SEMA3D: variants seen among roughly 807,000 people sequenced by gnomAD.
SEMA3D encodes semaphorin 3D, also known as semaphorin-3D.
A neutral mutation model predicts 100.1 loss-of-function variants in SEMA3D; 84 were observed. That is an observed-to-expected ratio of 0.84 (90% CI 0.70 to 1.01). The LOEUF is 1.01. Among genes scored for constraint, SEMA3D ranks in the 50% least tolerant of loss-of-function variants. The pLI is 0.00. For synonymous variants in SEMA3D, 312 were observed against 320.7 expected, an observed-to-expected ratio of 0.97 and a Z score of 0.29; for missense variants, 875 against 934.1, an observed-to-expected ratio of 0.94 and a Z score of 0.82.
intron 12 of SEMA3D, 64 bp from the exon 13 acceptor site, chr7:85,022,677 TC>T: frequency 1.9e-6 from 2 of 1,033,526 alleles, no homozygotes; most frequent in Non-Finnish European, 3.0e-6. Context: ...CACACTTATT[TC>T]CAATAAAATT....
At chr7:85,100,906 C>T (rs932518731) in intron 3 of SEMA3D, among the ~76,000 whole-genome samples, 2 of 151,822 alleles carry the variant, frequency 1.3e-5, no homozygotes, top group Non-Finnish European at 2.9e-5. Flanking sequence ...AAATGTCTTA[C>T]TAACATTTAT....
chr7:85,095,352 A>G (rs1292336738), intron 4 of SEMA3D, among the ~76,000 whole-genome samples: 3 of 151,910 alleles, frequency 2.0e-5, no homozygotes, highest in Non-Finnish European at 4.4e-5. Context: ...AAGTTCACAT[A>G]TATTGCAAAT....
At chr7:85,120,942 A>T (rs1460347079) in intron 3 of SEMA3D, among the ~76,000 whole-genome samples, 1 of 152,162 alleles carries the variant, frequency 6.6e-6, no homozygotes, top group East Asian at 1.9e-4. Context: ...CTTAGATTTG[A>T]CATCCAATTT....
At chr7:85,159,390 G>A (rs368841004) in intron 1 of SEMA3D, among the ~76,000 whole-genome samples, 2 of 152,104 alleles carry the variant, frequency 1.3e-5, no homozygotes, top group African/African-American at 4.8e-5. Flanking sequence ...TAAAGTGCCA[G>A]ACTCAAATTT....
intron 12 of SEMA3D, among the ~76,000 whole-genome samples, chr7:85,024,086 C>A (rs1407508931): frequency 6.6e-6 from 1 of 151,840 alleles, no homozygotes; most frequent in Non-Finnish European, 1.5e-5. Context: ...CAGCACTTAA[C>A]CTTCAGCCAA....
intron 2 of SEMA3D, among the ~76,000 whole-genome samples, chr7:85,137,279 A>ATG (rs1789894898): frequency 6.6e-6 from 1 of 151,912 alleles, no homozygotes; most frequent in Admixed American, 6.6e-5. Flanking sequence ...TATATATGTG[A>ATG]TGTATATATA....
At chr7:85,048,870 T>G (rs1298393369) in intron 9 of SEMA3D, among the ~76,000 whole-genome samples, 1 of 151,856 alleles carries the variant, frequency 6.6e-6, no homozygotes, top group African/African-American at 2.4e-5. Context: ...TGTAGAAATA[T>G]AACATGTAGA....
At chr7:85,184,323 T>C (rs767253633) in intron 1 of SEMA3D, among the ~76,000 whole-genome samples, 2 of 152,190 alleles carry the variant, frequency 1.3e-5, no homozygotes, top group Admixed American at 6.5e-5. Flanking sequence ...AGCTTATATT[T>C]GGGCACATCA....
At chr7:85,121,443 G>T (rs893881399) in intron 3 of SEMA3D, among the ~76,000 whole-genome samples, 1 of 152,082 alleles carries the variant, frequency 6.6e-6, no homozygotes, top group African/African-American at 2.4e-5. Context: ...TATATGAAAT[G>T]TGTTAACATT....
rs1434605343 is a variant in SEMA3D, at chr7:84,998,782, C to T, written c.*658G>A. ...CTAAGCACCAACTTCTCTCTGTGAA[C>T]CTGTTACTCCTGACTAGTCAATAGA... On this transcript the variant is annotated 3_prime_UTR_variant, in exon 19 of 19. Coordinates refer to ENST00000284136, the MANE Select transcript of SEMA3D (RefSeq NM_001384900.1). The T allele has an allele frequency of 6.6e-6, 1 of 152,290 alleles. No individual in the cohort carries two copies. The highest frequency in any genetic ancestry group is 1.9e-4 in the East Asian group (1 of 5,190). 9.4% of individuals were successfully genotyped at this position (152,290 alleles called of 1,614,324 possible). A position where few individuals can be genotyped will look rare whatever the true frequency, so the allele number is the denominator to read the frequency against.
intron 4 of SEMA3D, among the ~76,000 whole-genome samples, chr7:85,092,414 C>T (rs1788422048): frequency 6.6e-6 from 1 of 151,816 alleles, no homozygotes; most frequent in Admixed American, 6.6e-5. Flanking sequence ...GAAATGCTGG[C>T]TCAAGTAGAA....
At chr7:85,141,924 T>C in intron 2 of SEMA3D, 1 of 980,252 alleles carries the variant, frequency 1.0e-6, no homozygotes, top group Non-Finnish European at 1.2e-6. Flanking sequence ...ATTTATGATG[T>C]GTGCAATGCA....
chr7:85,086,154 A>G (rs1165618574), intron 4 of SEMA3D, among the ~76,000 whole-genome samples: 1 of 152,198 alleles, frequency 6.6e-6, no homozygotes, highest in East Asian at 1.9e-4. Flanking sequence ...TTTAGTCATC[A>G]CTAACAGAAT....
At chr7:85,093,916 A>G (rs1788473563) in intron 4 of SEMA3D, among the ~76,000 whole-genome samples, 1 of 152,026 alleles carries the variant, frequency 6.6e-6, no homozygotes, top group Non-Finnish European at 1.5e-5. Flanking sequence ...ATGCTCCTGT[A>G]AACGTGAAGA....
intron 12 of SEMA3D, chr7:85,028,059 T>G: frequency 6.7e-6 from 4 of 598,372 alleles, no homozygotes; most frequent in South Asian, 6.2e-5. Flanking sequence ...TGGATGCAGA[T>G]TTGATGATGC....
the SEMA3D span, among the ~76,000 whole-genome samples, chr7:85,242,422 T>C: frequency 2.0e-5 from 3 of 152,186 alleles, no homozygotes; most frequent in African/African-American, 7.2e-5. Flanking sequence ...ATATTTTTTA[T>C]TGACCTATAT....
At chr7:85,236,445 C>G in the SEMA3D span, among the ~76,000 whole-genome samples, 1 of 151,498 alleles carries the variant, frequency 6.6e-6, no homozygotes, top group Admixed American at 6.6e-5. Context: ...GTAGCTGGGA[C>G]TACAGGCACG....
intron 12 of SEMA3D, chr7:85,029,094 G>A: frequency 1.8e-6 from 1 of 570,646 alleles, no homozygotes; most frequent in African/African-American, 1.9e-5. Flanking sequence ...TTCCTACCAG[G>A]CAGACACAGA....
chr7:85,179,148 A>T (rs1583993909), intron 1 of SEMA3D, among the ~76,000 whole-genome samples: 3 of 152,212 alleles, frequency 2.0e-5, no homozygotes. Flanking sequence ...ACAGAAGGGA[A>T]ATGTGGGGTG....
Sources: allele counts gnomAD v4.1 joint callset (sites outside exome capture counted in the v4.1 genomes callset), GRCh38; gene constraint gnomAD v4.1.1; transcripts MANE v1.5; gene names NCBI Gene and HGNC (gene_info 2026-07-23, HGNC 2026-07-21).